SHISAL1: variants seen among roughly 807,000 people sequenced by gnomAD.
SHISAL1 encodes protein shisa-like-1.
Under a neutral mutation model 22.6 loss-of-function variants are expected in SHISAL1, and 9 were observed. The ratio of observed to expected loss-of-function variants is 0.40; its 90% CI spans 0.24 to 0.70. The LOEUF (loss-of-function observed/expected upper bound fraction) is 0.70, where lower values mean the gene tolerates loss of function less well. Ranked by LOEUF, SHISAL1 falls within the 30% of genes least tolerant of loss-of-function variation. The pLI, the probability that SHISAL1 is intolerant of heterozygous loss-of-function variation, is 0.39. For synonymous variants in SHISAL1, 119 were observed against 115.4 expected (o/e 1.03, Z -0.20); for missense variants, 246 against 270.6 (o/e 0.91, Z 0.64).
intron 4 of SHISAL1, among the ~76,000 whole-genome samples, chr22:44,269,538 CCAT>C (rs1331011289): frequency 4.4e-5 from 6 of 137,890 alleles, no homozygotes; most frequent in African/African-American, 1.3e-4. Context: ...TACACACACA[CCAT>C]GCCACAGATA....
intron 1 of SHISAL1, among the ~76,000 whole-genome samples, chr22:44,304,054 C>T (rs2055452894): frequency 6.6e-6 from 1 of 152,234 alleles, no homozygotes; most frequent in Non-Finnish European, 1.5e-5. Context: ...TCCAAAGAAA[C>T]AAGCCCCTCT....
intron 4 of SHISAL1, among the ~76,000 whole-genome samples, chr22:44,278,248 C>T (rs2055253268): frequency 6.6e-6 from 1 of 152,222 alleles, no homozygotes; most frequent in Non-Finnish European, 1.5e-5. Flanking sequence ...GCTTCCTGCC[C>T]TTGAACATCA....
chr22:44,308,373 C>A (rs1353935889), intron 1 of SHISAL1, among the ~76,000 whole-genome samples: 1 of 152,248 alleles, frequency 6.6e-6, no homozygotes, highest in Non-Finnish European at 1.5e-5. Flanking sequence ...GCTGCGCTCG[C>A]ACCTGAGGCC....
At chr22:44,299,110 T>C (rs2147300957) in intron 2 of SHISAL1, among the ~76,000 whole-genome samples, 1 of 152,202 alleles carries the variant, frequency 6.6e-6, no homozygotes, top group East Asian at 1.9e-4. Flanking sequence ...AAAGAGGCTG[T>C]GTGTGCACTA....
At chr22:44,270,601 A>G (rs1402161233) in intron 4 of SHISAL1, among the ~76,000 whole-genome samples, 4 of 152,208 alleles carry the variant, frequency 2.6e-5, no homozygotes, top group Admixed American at 1.3e-4. Context: ...GCCAGCTCGC[A>G]TGGAGGCTGA....
intron 4 of SHISAL1, among the ~76,000 whole-genome samples, chr22:44,273,671 C>G (rs1451720124): frequency 4.6e-5 from 7 of 152,104 alleles, no homozygotes; most frequent in Non-Finnish European, 7.4e-5. Flanking sequence ...TTGCTTACAG[C>G]AAATCTGAGT....
chr22:44,244,959 T>G lies in SHISAL1; in HGVS notation c.*4726A>C, dbSNP rs2054986155. On this transcript the variant is annotated 3_prime_UTR_variant, in exon 5 of 5. Transcript: ENST00000381176. The stretch of plus-strand genomic sequence containing the variant: ...GTGCTACAGCAAGGAACTAGGGCAC[T>G]GTGCATGGCATCTGGCACATAGTAA... The G allele has an allele frequency of 6.6e-6, 1 of 152,274 alleles. No individual in the cohort carries two copies. Among genetic ancestry groups the G allele is most frequent in the African/African-American group, 2.4e-5 (1 of 41,470 alleles). The allele number at this position is 152,274 out of a possible 1,614,324, so 9.4% of individuals were successfully genotyped here.
intron 4 of SHISAL1, among the ~76,000 whole-genome samples, chr22:44,250,546 A>AT (rs1476485364): frequency 1.3e-5 from 2 of 152,208 alleles, no homozygotes; most frequent in African/African-American, 4.8e-5. Flanking sequence ...TGTGTCTATT[A>AT]TAAGAGCAAT....
intron 4 of SHISAL1, 112 bp downstream of exon 4, chr22:44,285,316 A>G: frequency 8.3e-7 from 1 of 1,200,162 alleles, no homozygotes. Context: ...AAGATAAGCA[A>G]ACAATCAGGC....
chr22:44,265,113 G>A (rs1364341685), intron 4 of SHISAL1, among the ~76,000 whole-genome samples: 2 of 152,138 alleles, frequency 1.3e-5, no homozygotes, highest in Non-Finnish European at 2.9e-5. Context: ...CTACATTGAG[G>A]CCTGTGGTAC....
chr22:44,300,124 C>G (rs949890057), intron 2 of SHISAL1, among the ~76,000 whole-genome samples: 1 of 149,352 alleles, frequency 6.7e-6, no homozygotes, highest in Non-Finnish European at 1.5e-5. Flanking sequence ...GAGACAGAGA[C>G]AGAGAGACAG....
upstream of SHISAL1, among the ~76,000 whole-genome samples, chr22:44,317,298 C>T (rs62230313): frequency 1 from 152,318 of 152,346 alleles, 76,145 homozygotes; most frequent in Middle Eastern, 1. Flanking sequence ...CAGGGCCCGG[C>T]CAGCCACACC....
At chr22:44,322,662 A>G in the SHISAL1 span, among the ~76,000 whole-genome samples, 1 of 152,158 alleles carries the variant, frequency 6.6e-6, no homozygotes, top group Non-Finnish European at 1.5e-5. Context: ...GAAGCTGAGG[A>G]GTCACAGCCT....
intron 1 of SHISAL1, among the ~76,000 whole-genome samples, chr22:44,309,702 G>A (rs747569419): frequency 7.2e-5 from 11 of 152,276 alleles, no homozygotes; most frequent in Middle Eastern, 3.4e-3. Flanking sequence ...ATGTACACAC[G>A]TGTGCACATA....
chr22:44,267,256 C>T (rs2055170725), intron 4 of SHISAL1, among the ~76,000 whole-genome samples: 3 of 152,124 alleles, frequency 2.0e-5, no homozygotes, highest in African/African-American at 7.2e-5. Flanking sequence ...CCTCCCCAGG[C>T]CCATTGCAGT....
chr22:44,331,285 G>A, the SHISAL1 span, among the ~76,000 whole-genome samples: 1 of 111,960 alleles, frequency 8.9e-6, no homozygotes, highest in African/African-American at 3.4e-5. The surrounding 1 kb of genome is among the most constrained non-coding windows in gnomAD (Gnocchi z 5.2). Flanking sequence ...CCGGACCCCC[G>A]TCATATGCCC....
Position 44,249,651 on chromosome 22 carries a change from A to C in SHISAL1, c.*34T>G, listed in dbSNP as rs2055032833. On this transcript the variant is annotated 3_prime_UTR_variant, in exon 5 of 5. Coordinates refer to ENST00000381176, the MANE Select transcript of SHISAL1 (RefSeq NM_001099294.2). ...GGCTGCACCGGGTGCTTCAGATCTC[A>C]TCTCCCCCATCCTGAGGCACAGCAA... 5.1e-6 allele frequency: 4 copies of C among 779,630 alleles called. No individual in the cohort carries two copies. Among genetic ancestry groups the C allele is most frequent in the Non-Finnish European group, 9.6e-6 (4 of 417,850 alleles). 48.3% of individuals were successfully genotyped at this position (779,630 alleles called of 1,614,324 possible). A position where few individuals can be genotyped will look rare whatever the true frequency, so the allele number is the denominator to read the frequency against.
intron 4 of SHISAL1, among the ~76,000 whole-genome samples, chr22:44,250,781 C>T (rs2055042022): frequency 1.3e-5 from 2 of 152,210 alleles, no homozygotes; most frequent in South Asian, 4.1e-4. Context: ...GAACTACCCC[C>T]TTCATACCAT....
intron 4 of SHISAL1, among the ~76,000 whole-genome samples, chr22:44,251,914 G>A (rs2055050254): frequency 6.6e-6 from 1 of 150,502 alleles, no homozygotes; most frequent in African/African-American, 2.5e-5. Flanking sequence ...ACTTAAAAAT[G>A]GTTAAAATGG....
Sources: gnomAD v4.1 joint callset for allele counts (sites outside exome capture counted in the v4.1 genomes callset) on GRCh38, gnomAD v4.1.1 for gene constraint, Gnocchi (gnomAD v3.1) non-coding constraint, MANE v1.5 for transcripts, NCBI Gene and HGNC (gene_info 2026-07-23, HGNC 2026-07-21) for gene names.